Variants in ABCG5 observed in about 807,000 individuals in gnomAD.
The protein encoded by ABCG5 is ATP binding cassette subfamily G member 5.
Under a neutral mutation model 64.5 loss-of-function variants are expected in ABCG5, and 64 were observed. The ratio of observed to expected loss-of-function variants is 0.99; its 90% CI spans 0.81 to 1.22. The LOEUF (loss-of-function observed/expected upper bound fraction) is 1.22. Ranked by LOEUF, ABCG5 falls within the 50% of genes most tolerant of loss-of-function variation. The pLI, the probability that ABCG5 is intolerant of heterozygous loss-of-function variation, is 0.00. For synonymous variants in ABCG5, 385 were observed against 326.3 expected (o/e 1.18, Z -1.94); for missense variants, 908 against 829.5 (o/e 1.09, Z -1.16).
chr2:43,807,589 A>G (rs191354866), downstream of ABCG5, among the ~76,000 whole-genome samples: 45 of 151,926 alleles, frequency 3.0e-4, 1 homozygote, highest in Non-Finnish European at 2.9e-5. Flanking sequence ...ACAGGCACAC[A>G]TCACCATGCC....
chr2:43,816,915 C>T (rs565523812), intron 11 of ABCG5, among the ~76,000 whole-genome samples: 2 of 152,146 alleles, frequency 1.3e-5, no homozygotes, highest in East Asian at 1.9e-4. Context: ...CAAGAACTTG[C>T]ATGATTTTGT....
At chr2:43,819,831 G>A (rs946282128) in intron 11 of ABCG5, 84 bp downstream of exon 11, 1 of 1,432,028 alleles carries the variant, frequency 7.0e-7, no homozygotes, top group Non-Finnish European at 9.8e-7. Flanking sequence ...TCAGTTCTCT[G>A]GTATTCCTTT....
Position 43,837,938 on chromosome 2 carries a change from C to T in ABCG5, c.161G>A (p.Trp54Ter). The change falls in exon 2 of 13, where the codon TGG becomes TAG. Residue 54 changes from tryptophan (W) to a stop codon, truncating the protein, a stop_gained. Transcript: ENST00000405322. LOFTEE classifies it high-confidence loss of function. ...SYSVSHRVRP[W>*]WDITSCRQQW... ...CTGCCGGCAAGATGTGATGTCCCAC[C>T]AGGGCCTCACGCGGTGGCTTTAAAG... is the stretch of plus-strand genomic sequence containing the variant. 6.2e-7 allele frequency: 1 copy of T among 1,614,064 alleles called. No homozygotes were observed.
chr2:43,829,529 A>T (rs1050209718), intron 4 of ABCG5, among the ~76,000 whole-genome samples: 3 of 152,182 alleles, frequency 2.0e-5, no homozygotes, highest in Admixed American at 2.0e-4. Flanking sequence ...GACTAAAAAA[A>T]ATTCTTTACT....
downstream of ABCG5, chr2:43,810,084 A>G: frequency 1.5e-5 from 9 of 586,342 alleles, no homozygotes; most frequent in Non-Finnish European, 2.0e-5. Flanking sequence ...TATAAAAGTA[A>G]GAGTATTTGG....
At chr2:43,832,595 C>G (rs1475754258) in intron 2 of ABCG5, 1 of 172,626 alleles carries the variant, frequency 5.8e-6, no homozygotes, top group African/African-American at 2.4e-5. Context: ...AAATGCAGAG[C>G]CTCAAGCCGC....
chr2:43,833,692 A>T (rs908998840), intron 2 of ABCG5, among the ~76,000 whole-genome samples: 5 of 136,448 alleles, frequency 3.7e-5, no homozygotes, highest in Non-Finnish European at 7.9e-5. Flanking sequence ...CCCTTTATTT[A>T]TTTATTTATT....
At chr2:43,811,111 A>G (rs1666465671), downstream of ABCG5, among the ~76,000 whole-genome samples, 1 of 152,208 alleles carries the variant, frequency 6.6e-6, no homozygotes, top group African/African-American at 2.4e-5. Flanking sequence ...CTTATGTTGT[A>G]CACCCATATC....
chr2:43,815,910 G>GAAAAAA (rs4148200), intron 11 of ABCG5, among the ~76,000 whole-genome samples: 6 of 104,046 alleles, frequency 5.8e-5, no homozygotes, highest in Admixed American at 9.9e-5. Flanking sequence ...AACAGGAAAA[G>GAAAAAA]AAAAAAAAAA....
chr2:43,831,686 G>C (rs747633865), intron 4 of ABCG5, 83 bp downstream of exon 4: 11 of 1,350,646 alleles, frequency 8.1e-6, no homozygotes, highest in Non-Finnish European at 1.1e-5. Flanking sequence ...GGAAGGAATG[G>C]GCAAGCGTAG....
chr2:43,809,606 A>T, downstream of ABCG5: 2 of 753,678 alleles, frequency 2.7e-6, no homozygotes, highest in Non-Finnish European at 4.5e-6. Context: ...GCTACTAAGG[A>T]TTCATTGATA....
At chr2:43,824,612 C>A (rs1303338655) in intron 7 of ABCG5, 180 bp from the exon 8 acceptor site, 3 of 985,290 alleles carry the variant, frequency 3.0e-6, no homozygotes, top group Non-Finnish European at 3.6e-6. Context: ...CCTTGAGGAT[C>A]CCATTGGGAT....
intron 2 of ABCG5, among the ~76,000 whole-genome samples, chr2:43,836,221 A>G (rs527295009): frequency 9.5e-4 from 145 of 152,170 alleles, no homozygotes; most frequent in African/African-American, 3.4e-3. Flanking sequence ...GATTACAAGC[A>G]TGAGCCACCG....
chr2:43,815,910 GAAAA>G (rs4148200), intron 11 of ABCG5, among the ~76,000 whole-genome samples: 1 of 104,062 alleles, frequency 9.6e-6, no homozygotes, highest in Non-Finnish European at 2.1e-5. Flanking sequence ...AACAGGAAAA[GAAAA>G]AAAAAAAAAA....
At position 43,827,617 on chromosome 2, in the gene ABCG5, A is replaced by G. The variant is rs141038832; in HGVS notation, c.634+366T>C. Among the ~76,000 whole-genome samples, 971 of 152,256 alleles carry G rather than the reference A, an allele frequency of 6.4e-3. 13 individuals are homozygous for G. The highest frequency in any genetic ancestry group is 0.022 in the African/African-American group (919 of 41,546). On this transcript the variant is annotated intron_variant, in intron 5 of 12. Coordinates refer to ENST00000405322, the MANE Select transcript of ABCG5 (RefSeq NM_022436.3). ...TTCCTATTTTAATTCCTGCCATTTC[A>G]TGAACACCTGTGGTCATATCAAAAC...
intron 2 of ABCG5, among the ~76,000 whole-genome samples, chr2:43,834,968 T>C (rs1267213375): frequency 6.6e-6 from 1 of 152,256 alleles, no homozygotes; most frequent in Non-Finnish European, 1.5e-5. Flanking sequence ...TGCAATACTA[T>C]GGAGTAATTC....
chr2:43,823,205 A>T (rs1314684264), intron 9 of ABCG5, among the ~76,000 whole-genome samples: 1 of 152,148 alleles, frequency 6.6e-6, no homozygotes, highest in African/African-American at 2.4e-5. Context: ...AATTCACGAA[A>T]AGTACATGCA....
At chr2:43,819,777 C>A (rs1034645762) in intron 11 of ABCG5, 138 bp downstream of exon 11, 2 of 898,990 alleles carry the variant, frequency 2.2e-6, no homozygotes, top group Non-Finnish European at 1.8e-6. Flanking sequence ...GATTAACGAG[C>A]AGTATAAATG....
At chr2:43,831,267 G>A (rs1358995445) in intron 4 of ABCG5, among the ~76,000 whole-genome samples, 7 of 152,118 alleles carry the variant, frequency 4.6e-5, no homozygotes, top group African/African-American at 1.7e-4. Context: ...CGACCTCCTG[G>A]GTTCAAGAGA....
Sources: gnomAD v4.1 joint callset for allele counts (sites outside exome capture counted in the v4.1 genomes callset) on GRCh38, gnomAD v4.1.1 for gene constraint, MANE v1.5 for transcripts, NCBI Gene and HGNC (gene_info 2026-07-23, HGNC 2026-07-21) for gene names.